COL5A2: variants seen among roughly 807,000 people sequenced by gnomAD.
The protein encoded by COL5A2 is collagen type V alpha 2 chain.
A neutral mutation model predicts 208.2 loss-of-function variants in COL5A2; 23 were observed. The observed-to-expected ratio is 0.11, with a 90% CI of 0.08 to 0.16. The LOEUF (loss-of-function observed/expected upper bound fraction) is 0.16, where lower values mean the gene tolerates loss of function less well. COL5A2 is among the 10% of genes least tolerant of loss of function. The pLI is 1.00. For synonymous variants in COL5A2, 625 were observed against 628.5 expected, an observed-to-expected ratio of 0.99 and a Z score of 0.08; for missense variants, 1,590 against 1,956.4, an observed-to-expected ratio of 0.81 and a Z score of 3.53.
chr2:189,380,894 A>T, the COL5A2 span, among the ~76,000 whole-genome samples: 1 of 152,116 alleles, frequency 6.6e-6, no homozygotes, highest in East Asian at 1.9e-4. Context: ...AGAGAATATA[A>T]TATCTCTGAG....
At chr2:189,293,039 G>T in the COL5A2 span, among the ~76,000 whole-genome samples, 1 of 151,592 alleles carries the variant, frequency 6.6e-6, no homozygotes, top group East Asian at 1.9e-4. Context: ...TCACTCAAAG[G>T]TGGGAATTGA....
chr2:189,374,423 CT>C, the COL5A2 span, among the ~76,000 whole-genome samples: 1 of 151,660 alleles, frequency 6.6e-6, no homozygotes, highest in African/African-American at 2.4e-5. Context: ...CAACCACGGC[CT>C]CAAAATAATT....
At chr2:189,054,353 T>C (rs1685856132) in intron 35 of COL5A2, 141 bp from the exon 36 acceptor site, 6 of 646,530 alleles carry the variant, frequency 9.3e-6, no homozygotes, top group East Asian at 5.5e-5. Flanking sequence ...TAATAAATGA[T>C]ATAATCTATA....
chr2:189,195,429 C>A (rs1240524740), intron 1 of COL5A2, among the ~76,000 whole-genome samples: 6 of 152,124 alleles, frequency 3.9e-5, no homozygotes, highest in Admixed American at 2.0e-4. Flanking sequence ...CATCAAACTA[C>A]GATTGACATT....
intron 30 of COL5A2, 60 bp downstream of exon 30, chr2:189,061,502 T>TAAAA: frequency 1.0e-6 from 1 of 995,440 alleles, no homozygotes; most frequent in Non-Finnish European, 1.5e-6. Flanking sequence ...TCTTTTTTTT[T>TAAAA]AAAAAAAAAA....
At chr2:189,085,526 A>G (rs1035212518) in intron 10 of COL5A2, among the ~76,000 whole-genome samples, 193 bp downstream of exon 10, 1 of 152,232 alleles carries the variant, frequency 6.6e-6, no homozygotes, top group Admixed American at 6.5e-5. Flanking sequence ...AAATTTAAAT[A>G]GTCTTTGAAT....
the COL5A2 span, among the ~76,000 whole-genome samples, chr2:189,253,298 C>T: frequency 5.9e-4 from 90 of 152,220 alleles, no homozygotes; most frequent in Middle Eastern, 6.8e-3. Context: ...CCTGTCTTGC[C>T]CAATTACTAG....
chr2:189,245,651 AT>A, the COL5A2 span, among the ~76,000 whole-genome samples: 5 of 151,512 alleles, frequency 3.3e-5, no homozygotes, highest in East Asian at 1.9e-4. Flanking sequence ...TGCCTGGCTA[AT>A]TTTTTTTGTA....
chr2:189,228,650 A>G (rs1448459509), upstream of COL5A2, among the ~76,000 whole-genome samples: 1 of 151,896 alleles, frequency 6.6e-6, no homozygotes, highest in Non-Finnish European at 1.5e-5. Flanking sequence ...AAAACCAGTA[A>G]AGAGATTGAA....
At chr2:189,326,369 T>C in the COL5A2 span, among the ~76,000 whole-genome samples, 1 of 151,978 alleles carries the variant, frequency 6.6e-6, no homozygotes, top group East Asian at 1.9e-4. Flanking sequence ...TTTAAAGAGA[T>C]TGTAAAACAG....
intron 17 of COL5A2, among the ~76,000 whole-genome samples, chr2:189,073,014 T>C (rs1686311421): frequency 6.6e-6 from 1 of 152,170 alleles, no homozygotes; most frequent in Admixed American, 6.5e-5. Flanking sequence ...AAAATGTACA[T>C]ATTTTTTCAT....
chr2:189,336,612 C>G, the COL5A2 span, among the ~76,000 whole-genome samples: 1 of 151,998 alleles, frequency 6.6e-6, no homozygotes, highest in African/African-American at 2.4e-5. Context: ...GAAGCCAAAC[C>G]CAAAAGAACA....
Position 189,033,993 on chromosome 2 carries a change from C to T in COL5A2, c.*77G>A. ...ATTACTTCAAGAGTCTCAGGATCAA[C>T]TTCAAACAGTCAAAGTTCTTGTGAA... On this transcript the variant is annotated 3_prime_UTR_variant, in exon 54 of 54. Transcript: ENST00000374866. 6.2e-7 allele frequency: 1 copy of T among 1,600,302 alleles called. No individual in the cohort carries two copies. The highest frequency in any genetic ancestry group is 8.5e-7 in the Non-Finnish European group (1 of 1,169,850).
chr2:189,393,332 A>T, the COL5A2 span, among the ~76,000 whole-genome samples: 1 of 152,104 alleles, frequency 6.6e-6, no homozygotes, highest in Admixed American at 6.5e-5. Context: ...CTAATAACTA[A>T]ATTGGATTAC....
At position 189,064,560 on chromosome 2, in the gene COL5A2, A is replaced by C; in HGVS notation, c.1713T>G (p.Ala571=). The change falls in exon 25 of 54, where the codon GCT becomes GCG. Residue 571 remains alanine (A), a synonymous_variant. Coordinates refer to ENST00000374866, the MANE Select transcript of COL5A2 (RefSeq NM_000393.5). The stretch of plus-strand genomic sequence containing the variant: ...CAAACACTTGCTATATTCTTACCCG[A>C]GCACCTGGAAGCCCAGGTTCCCCTG... ...GRPGEPGLPG[A]RGLTGNPGVQ... The C allele has an allele frequency of 6.2e-7, 1 of 1,612,268 alleles. No homozygotes were observed. The highest frequency in any genetic ancestry group is 8.5e-7 in the Non-Finnish European group (1 of 1,178,502).
chr2:189,352,940 T>C, the COL5A2 span, among the ~76,000 whole-genome samples: 1 of 152,244 alleles, frequency 6.6e-6, no homozygotes, highest in Non-Finnish European at 1.5e-5. Flanking sequence ...TTTAAGTCTT[T>C]AATCCATCTT....
intron 1 of COL5A2, among the ~76,000 whole-genome samples, chr2:189,126,781 T>C (rs1687615307): frequency 2.0e-5 from 3 of 152,176 alleles, no homozygotes; most frequent in South Asian, 4.2e-4. Context: ...GGAAACAGAC[T>C]TGGGTCTCCA....
intron 23 of COL5A2, 126 bp downstream of exon 23, chr2:189,066,264 T>C: frequency 1.1e-6 from 1 of 888,370 alleles, no homozygotes; most frequent in South Asian, 1.3e-5. Flanking sequence ...TGCACATAAC[T>C]GTACTGAACT....
At chr2:189,266,657 G>A in the COL5A2 span, among the ~76,000 whole-genome samples, 5 of 152,058 alleles carry the variant, frequency 3.3e-5, no homozygotes, top group Non-Finnish European at 5.9e-5. Context: ...AATAGGGTGT[G>A]TTTTGGGGAT....
Sources: allele counts gnomAD v4.1 joint callset (sites outside exome capture counted in the v4.1 genomes callset), GRCh38; gene constraint gnomAD v4.1.1; transcripts MANE v1.5; gene names NCBI Gene and HGNC (gene_info 2026-07-23, HGNC 2026-07-21).